Variants in DDAH1 observed in about 807,000 individuals in gnomAD.
DDAH1 encodes the protein N(G),N(G)-dimethylarginine dimethylaminohydrolase 1.
Under a neutral mutation model 28.8 loss-of-function variants are expected in DDAH1, and 19 were observed. The observed-to-expected ratio is 0.66, with a 90% CI of 0.46 to 0.97. The LOEUF (loss-of-function observed/expected upper bound fraction) is 0.97. Ranked by LOEUF, DDAH1 falls within the 50% of genes least tolerant of loss-of-function variation. The pLI is 0.00. For missense variants in DDAH1, 326 were observed against 375.9 expected, an observed-to-expected ratio of 0.87 and a Z score of 1.10; for synonymous variants, 153 against 154.4, an observed-to-expected ratio of 0.99 and a Z score of 0.07.
chr1:85,420,287 T>C (rs923315352), intron 1 of DDAH1, among the ~76,000 whole-genome samples: 2 of 152,252 alleles, frequency 1.3e-5, no homozygotes, highest in African/African-American at 2.4e-5. Flanking sequence ...TTTTTAGTTA[T>C]GCAAATTTCT....
At chr1:85,514,333 A>G (rs1029986506) in intron 1 of DDAH1, among the ~76,000 whole-genome samples, 1 of 152,136 alleles carries the variant, frequency 6.6e-6, no homozygotes, top group Non-Finnish European at 1.5e-5. Flanking sequence ...GAATTGAACA[A>G]TGAGATCACT....
intron 1 of DDAH1, among the ~76,000 whole-genome samples, chr1:85,439,926 C>G (rs1220077465): frequency 6.6e-6 from 1 of 152,154 alleles, no homozygotes; most frequent in African/African-American, 2.4e-5. Context: ...TACATGTGTT[C>G]TAAAACAGTT....
intron 1 of DDAH1, among the ~76,000 whole-genome samples, chr1:85,510,997 G>A (rs931860985): frequency 1.3e-4 from 20 of 152,322 alleles, no homozygotes; most frequent in Admixed American, 1.3e-3. Context: ...GCAACAAGCA[G>A]ATCCAATAGA....
intron 1 of DDAH1, among the ~76,000 whole-genome samples, chr1:85,460,792 G>A (rs1434040092): frequency 6.6e-6 from 1 of 152,154 alleles, no homozygotes. Flanking sequence ...GCGTAGAAGG[G>A]CAACACCCAC....
intron 2 of DDAH1, among the ~76,000 whole-genome samples, chr1:85,356,380 T>A (rs233089): frequency 0.011 from 1,601 of 152,280 alleles, 30 homozygotes; most frequent in African/African-American, 0.037. Flanking sequence ...AGGCTTTGAA[T>A]TACAGAGAAA....
intron 2 of DDAH1, among the ~76,000 whole-genome samples, chr1:85,483,965 G>C (rs1240837288): frequency 6.6e-6 from 1 of 152,180 alleles, no homozygotes; most frequent in Non-Finnish European, 1.5e-5. Context: ...TGGTGCCTAA[G>C]GGGCTGGGGT....
intron 1 of DDAH1, among the ~76,000 whole-genome samples, chr1:85,497,341 T>C (rs934458452): frequency 6.6e-6 from 1 of 152,180 alleles, no homozygotes; most frequent in Admixed American, 6.5e-5. Context: ...CAAAAAGCCA[T>C]GGTATTTCCA....
At chr1:85,437,771 A>T (rs1654007102) in intron 1 of DDAH1, among the ~76,000 whole-genome samples, 1 of 152,248 alleles carries the variant, frequency 6.6e-6, no homozygotes, top group Non-Finnish European at 1.5e-5. Flanking sequence ...TAATAAACAC[A>T]TAAGCATAGT....
intron 2 of DDAH1, among the ~76,000 whole-genome samples, chr1:85,488,985 C>T (rs545319865): frequency 9.9e-5 from 15 of 152,242 alleles, no homozygotes; most frequent in East Asian, 3.9e-4. Context: ...AATAGACATA[C>T]GCTATGAAAT....
intron 1 of DDAH1, among the ~76,000 whole-genome samples, chr1:85,432,163 T>C (rs1407775474): frequency 1.3e-5 from 2 of 152,186 alleles, no homozygotes; most frequent in Non-Finnish European, 2.9e-5. Flanking sequence ...GACTGTGACC[T>C]CCTGTTTGGC....
At chr1:85,574,679 C>T (rs1436961046) in intron 1 of DDAH1, among the ~76,000 whole-genome samples, 1 of 152,210 alleles carries the variant, frequency 6.6e-6, no homozygotes, top group African/African-American at 2.4e-5. Context: ...GTACCTAGCA[C>T]TATGCCATGA....
At chr1:85,429,925 A>G (rs1221868053) in intron 1 of DDAH1, among the ~76,000 whole-genome samples, 4 of 152,092 alleles carry the variant, frequency 2.6e-5, no homozygotes, top group Non-Finnish European at 5.9e-5. Flanking sequence ...AGATGGATAG[A>G]CTGCAAAAAT....
chr1:85,478,531 CCAGATCTCATGAGACTTATTCACTAA>C lies in DDAH1; in HGVS notation c.-7+17609_-7+17634del, dbSNP rs151094970. 2.1e-3 allele frequency among the ~76,000 whole-genome samples: 315 copies of C among 152,234 alleles called. 12 individuals are homozygous for C. The East Asian group carries it at 0.057, about 28-fold the overall frequency. On this transcript the variant is annotated intron_variant, in intron 2 of 6. Transcript: ENST00000426972. ...AGGGGAACTCCCATTTATGAAACCA[CCAGATCTCATGAGACTTATTCACTAA>C]CAGAATAGGAAAACCCACCCCCATG...
At chr1:85,392,610 T>G (rs1570475988) in intron 1 of DDAH1, among the ~76,000 whole-genome samples, 1 of 151,546 alleles carries the variant, frequency 6.6e-6, no homozygotes, top group Non-Finnish European at 1.5e-5. Context: ...CTGGCCAACA[T>G]AGTGAAACCC....
intron 2 of DDAH1, among the ~76,000 whole-genome samples, chr1:85,481,940 T>A (rs1448396669): frequency 6.6e-6 from 1 of 152,240 alleles, no homozygotes; most frequent in Non-Finnish European, 1.5e-5. Context: ...CTCTGCTCAC[T>A]GGTTTGTGTT....
intron 1 of DDAH1, among the ~76,000 whole-genome samples, chr1:85,459,676 T>G (rs993430355): frequency 7.9e-5 from 12 of 152,204 alleles, no homozygotes; most frequent in African/African-American, 2.9e-4. Flanking sequence ...CACTTGAAAC[T>G]AAACAGAAGT....
At position 85,319,498 on chromosome 1, in the gene DDAH1, A is replaced by G. The variant is rs747708467; in HGVS notation, c.*1954T>C. On this transcript the variant is annotated 3_prime_UTR_variant, in exon 6 of 6. Transcript: ENST00000284031. The stretch of plus-strand genomic sequence containing the variant: ...ATTGGGCCATTTTTCCTGTGGTTGT[A>G]TTTGAGATGTTGAGCTCTCACAGGG... The G allele has an allele frequency of 2.0e-5, 3 of 152,208 alleles. No individual in the cohort carries two copies. The highest frequency in any genetic ancestry group is 4.4e-5 in the Non-Finnish European group (3 of 68,028). 9.4% of individuals were successfully genotyped at this position (152,208 alleles called of 1,614,324 possible).
chr1:85,517,890 C>A (rs1325145710), intron 1 of DDAH1, among the ~76,000 whole-genome samples: 1 of 152,142 alleles, frequency 6.6e-6, no homozygotes, highest in African/African-American at 2.4e-5. Flanking sequence ...TTTGAGCTGG[C>A]TGCTACATTA....
intron 1 of DDAH1, among the ~76,000 whole-genome samples, chr1:85,456,290 A>G (rs1445556286): frequency 6.6e-6 from 1 of 152,244 alleles, no homozygotes; most frequent in Non-Finnish European, 1.5e-5. Flanking sequence ...GTCAAGATGG[A>G]GAGATTTGTG....
Sources: allele counts gnomAD v4.1 joint callset (sites outside exome capture counted in the v4.1 genomes callset), GRCh38; gene constraint gnomAD v4.1.1; transcripts MANE v1.5; gene names NCBI Gene and HGNC (gene_info 2026-07-23, HGNC 2026-07-21).